Variants in ACAP2 observed in about 807,000 individuals in gnomAD.
ACAP2 encodes arf-GAP with coiled-coil, ANK repeat and PH domain-containing protein 2.
A neutral mutation model predicts 115.8 loss-of-function variants in ACAP2; 39 were observed. The observed-to-expected ratio is 0.34, with a 90% CI of 0.26 to 0.44. The LOEUF is 0.44. Ranked by LOEUF, ACAP2 falls within the 20% of genes least tolerant of loss-of-function variation. The pLI, the probability that ACAP2 is intolerant of heterozygous loss-of-function variation, is 1.00. For synonymous variants in ACAP2, 289 were observed against 315.8 expected (o/e 0.92, Z 0.90); for missense variants, 662 against 927.6 (o/e 0.71, Z 3.72).
chr3:195,417,369 C>G (rs567532422), intron 1 of ACAP2, among the ~76,000 whole-genome samples: 1 of 152,264 alleles, frequency 6.6e-6, no homozygotes, highest in East Asian at 1.9e-4. Context: ...CTGTGAGCAG[C>G]AACACCATTC....
intron 1 of ACAP2, among the ~76,000 whole-genome samples, chr3:195,413,442 C>A (rs1713448182): frequency 6.6e-6 from 1 of 151,880 alleles, no homozygotes; most frequent in African/African-American, 2.4e-5. Context: ...AAACATACAA[C>A]CCAAATAAAA....
Position 195,411,277 on chromosome 3 carries a change from G to A in ACAP2, c.54-19130C>T, listed in dbSNP as rs528046513. ...CATGTGATCTAGCTATTCCACTTCTGAGTATATACTCAAAAAACCTGAAAA... is the reference window on the plus strand; with the variant it reads ...CATGTGATCTAGCTATTCCACTTCTAAGTATATACTCAAAAAACCTGAAAA... On this transcript the variant is annotated intron_variant, in intron 1 of 22. Coordinates refer to ENST00000326793, the MANE Select transcript of ACAP2 (RefSeq NM_012287.6). Among the ~76,000 whole-genome samples, 4 of 152,284 alleles carry A rather than the reference G, an allele frequency of 2.6e-5. No homozygotes were observed. In the South Asian group the frequency reaches 8.3e-4, roughly 32 times the overall value.
At chr3:195,316,087 T>G (rs73890764) in intron 10 of ACAP2, among the ~76,000 whole-genome samples, 3,498 of 152,260 alleles carry the variant, frequency 0.023, 137 homozygotes, top group African/African-American at 0.079. Context: ...TGTTAAACTT[T>G]AAGTAGGTTG....
intron 4 of ACAP2, chr3:195,356,142 T>C (rs1731948684): frequency 2.2e-6 from 1 of 456,716 alleles, no homozygotes; most frequent in Middle Eastern, 3.3e-4. Context: ...CCCTCCCCCA[T>C]GCGCTCGTAG....
Position 195,295,744 on chromosome 3 carries a change from G to T in ACAP2, c.1636C>A (p.Pro546Thr). 6.2e-7 allele frequency: 1 copy of T among 1,614,044 alleles called. No individual in the cohort carries two copies. The highest frequency in any genetic ancestry group is 8.5e-7 in the Non-Finnish European group (1 of 1,180,006). The change falls in exon 17 of 23, where the codon CCA becomes ACA. Residue 546 changes from proline to threonine, a missense_variant. Around this residue, in one of 3 missense-constraint regions of ACAP2, gnomAD observed 133 missense variants for 123.1 expected, o/e 1.08. Coordinates refer to ENST00000326793, the MANE Select transcript of ACAP2 (RefSeq NM_012287.6). ...EKRLSISKFG[P>T]GDQVRASAQS... Reference sequence around the variant, plus strand: ...GCAGATGCTCTGACTTGGTCCCCTGGCCCAAATTTAGAAATGCTCAGCCTC... The same window carrying T: ...GCAGATGCTCTGACTTGGTCCCCTGTCCCAAATTTAGAAATGCTCAGCCTC...
At chr3:195,365,067 G>C (rs1732624941) in intron 4 of ACAP2, among the ~76,000 whole-genome samples, 1 of 152,190 alleles carries the variant, frequency 6.6e-6, no homozygotes, top group Admixed American at 6.5e-5. Context: ...TTTGTGGGAG[G>C]TAAAAATTAA....
intron 4 of ACAP2, among the ~76,000 whole-genome samples, chr3:195,378,078 G>GGGAGGA (rs1285041999): frequency 0.023 from 3,365 of 147,640 alleles, 130 homozygotes; most frequent in African/African-American, 0.083. Context: ...GAGGGAGGAA[G>GGGAGGA]GGAGGAAGGG....
At chr3:195,413,492 T>C (rs973293810) in intron 1 of ACAP2, among the ~76,000 whole-genome samples, 4 of 152,104 alleles carry the variant, frequency 2.6e-5, no homozygotes, top group Middle Eastern at 3.2e-3. Context: ...CTCATGACTA[T>C]AATGACAGCA....
chr3:195,384,760 A>C (rs1734180886), intron 2 of ACAP2, among the ~76,000 whole-genome samples: 1 of 152,120 alleles, frequency 6.6e-6, no homozygotes, highest in Non-Finnish European at 1.5e-5. Flanking sequence ...GCGCAAGAGA[A>C]ACTAGTTCAG....
At chr3:195,437,581 C>T (rs1715638877) in intron 1 of ACAP2, among the ~76,000 whole-genome samples, 1 of 151,780 alleles carries the variant, frequency 6.6e-6, no homozygotes, top group South Asian at 2.1e-4. Flanking sequence ...TTTGGGAGGC[C>T]GAAGCTGGTG....
intron 4 of ACAP2, chr3:195,349,817 A>G: frequency 2.8e-6 from 1 of 352,142 alleles, no homozygotes; most frequent in South Asian, 2.4e-5. Context: ...TTTGCCATGA[A>G]GGAGATGGGA....
intron 15 of ACAP2, among the ~76,000 whole-genome samples, chr3:195,300,172 G>A (rs774174676): frequency 2.7e-5 from 4 of 150,826 alleles, no homozygotes; most frequent in South Asian, 4.2e-4. Context: ...TCAGCCTCTC[G>A]AGTAGCTGGG....
At chr3:195,439,454 C>A (rs1294750223) in intron 1 of ACAP2, among the ~76,000 whole-genome samples, 1 of 152,092 alleles carries the variant, frequency 6.6e-6, no homozygotes, top group African/African-American at 2.4e-5. Context: ...GCTGGGATTA[C>A]AGGCATGAAC....
At chr3:195,414,473 GA>G (rs1352604315) in intron 1 of ACAP2, among the ~76,000 whole-genome samples, 1 of 152,074 alleles carries the variant, frequency 6.6e-6, no homozygotes, top group African/African-American at 2.4e-5. Context: ...CAAATAAGCT[GA>G]AAACATATCC....
chr3:195,348,659 A>T (rs1731340053), intron 4 of ACAP2, among the ~76,000 whole-genome samples: 1 of 152,226 alleles, frequency 6.6e-6, no homozygotes, highest in Non-Finnish European at 1.5e-5. Context: ...CAGGAATGAA[A>T]GATGGATTTA....
chr3:195,312,464 A>T (rs563445055), intron 10 of ACAP2, among the ~76,000 whole-genome samples: 273 of 152,188 alleles, frequency 1.8e-3, no homozygotes, highest in African/African-American at 6.3e-3. Context: ...ATTTGTTTAG[A>T]CATATATGTA....
intron 15 of ACAP2, among the ~76,000 whole-genome samples, chr3:195,299,082 A>G (rs749921768): frequency 2.0e-5 from 3 of 152,208 alleles, no homozygotes; most frequent in Non-Finnish European, 4.4e-5. Context: ...TTTTTAAAGT[A>G]AAGATACTAA....
At chr3:195,423,748 G>T (rs1162022864) in intron 1 of ACAP2, among the ~76,000 whole-genome samples, 5 of 150,908 alleles carry the variant, frequency 3.3e-5, no homozygotes, top group Non-Finnish European at 7.4e-5. Context: ...AAATAAATAA[G>T]CATGGCTATA....
intron 15 of ACAP2, among the ~76,000 whole-genome samples, chr3:195,299,565 GCGGTGGCT>G (rs1342205536): frequency 6.7e-6 from 1 of 149,336 alleles, no homozygotes; most frequent in Non-Finnish European, 1.5e-5. Flanking sequence ...AAGGCCGGGC[GCGGTGGCT>G]CACGCCTGTA....
Sources: gnomAD v4.1 joint callset for allele counts (sites outside exome capture counted in the v4.1 genomes callset) on GRCh38, gnomAD v4.1.1 for gene constraint, gnomAD v4.1.1 regional missense constraint, MANE v1.5 for transcripts, NCBI Gene and HGNC (gene_info 2026-07-23, HGNC 2026-07-21) for gene names.